The following ARID5B variants were observed in gnomAD, a reference collection of about 807,000 sequenced individuals.
ARID5B encodes AT-rich interaction domain 5B.
ARID5B carries 13 observed loss-of-function variants against 97.2 expected under a neutral mutation model. The ratio of observed to expected loss-of-function variants is 0.13; its 90% confidence interval spans 0.09 to 0.21. ARID5B has a LOEUF of 0.21. ARID5B is among the 10% of genes least tolerant of loss of function. The pLI, the probability that ARID5B is intolerant of heterozygous loss-of-function variation, is 1.00. For missense variants in ARID5B, 1,210 were observed against 1,465.3 expected, an observed-to-expected ratio of 0.83 and a Z score of 2.84; for synonymous variants, 556 against 570.3, an observed-to-expected ratio of 0.97 and a Z score of 0.36.
rs1403801881 is a variant in ARID5B at position 62,091,518 on chromosome 10, C to A, written c.2055C>A (p.Gly685=). The change falls in exon 10 of 10, where the codon GGC becomes GGA. Residue 685 remains glycine, a synonymous_variant. Coordinates refer to ENST00000279873, the MANE Select transcript of ARID5B (RefSeq NM_032199.3). The part of the protein sequence containing the change: ...TPLLYSRGNP[G]IMSPLAKKKL... Reference sequence around the variant, plus strand: ...TGCTCTACTCTAGGGGCAACCCAGGCATCATGTCCCCACTGGCCAAGAAAA... The same window carrying A: ...TGCTCTACTCTAGGGGCAACCCAGGAATCATGTCCCCACTGGCCAAGAAAA... The A allele has an allele frequency of 6.2e-7, 1 of 1,613,714 alleles. No homozygotes were observed. The highest frequency in any genetic ancestry group is 8.5e-7 in the Non-Finnish European group (1 of 1,179,870).
chr10:62,064,893 C>A (rs1839966382), intron 7 of ARID5B, among the ~76,000 whole-genome samples: 1 of 152,106 alleles, frequency 6.6e-6, no homozygotes, highest in South Asian at 2.1e-4. Flanking sequence ...TCTGCCTCAG[C>A]CTCCTGAGTA....
At chr10:62,017,933 T>C (rs527281288) in intron 4 of ARID5B, among the ~76,000 whole-genome samples, 105 of 152,326 alleles carry the variant, frequency 6.9e-4, no homozygotes, top group African/African-American at 2.5e-3. Flanking sequence ...GGAGATAAAA[T>C]ACATTTTTAT....
chr10:62,017,553 C>A (rs562320030), intron 4 of ARID5B, among the ~76,000 whole-genome samples: 1 of 151,498 alleles, frequency 6.6e-6, no homozygotes, highest in East Asian at 1.9e-4. Flanking sequence ...TATTATTTGG[C>A]TAATTCAGCT....
intron 3 of ARID5B, among the ~76,000 whole-genome samples, chr10:61,987,087 G>T (rs1838857297): frequency 1.3e-5 from 2 of 152,202 alleles, no homozygotes; most frequent in African/African-American, 4.8e-5. Context: ...GGCCAGAGCT[G>T]CCAGGCCAAA....
Position 62,051,227 on chromosome 10 carries a change from C to T in ARID5B, c.846+227C>T, listed in dbSNP as rs1839785395. 5 of 606,440 alleles carry T rather than the reference C, an allele frequency of 8.2e-6. No individual in the cohort carries two copies. The African/African-American group carries it at 9.2e-5, about 11-fold the overall frequency. 37.6% of individuals were successfully genotyped at this position (606,440 alleles called of 1,614,324 possible). A position where few individuals can be genotyped will look rare whatever the true frequency, so the allele number is the denominator to read the frequency against. ...TTTTGATTAGTCAACAGAAAGACTT[C>T]CTACCTCCCAGTTTGGCCTGTTATG... On this transcript the variant is annotated intron_variant, in intron 5 of 9. Coordinates refer to ENST00000279873, the MANE Select transcript of ARID5B (RefSeq NM_032199.3).
In ARID5B at chr10:61,968,455, C is replaced by T. The variant is rs1034086725; in HGVS notation, c.502+28047C>T. Reference sequence around the variant, plus strand: ...AACTAAGTGTTTATGGATCCAAATTCGGCTAATTGATACTTAGGTTCTTCC... The same window carrying T: ...AACTAAGTGTTTATGGATCCAAATTTGGCTAATTGATACTTAGGTTCTTCC... On this transcript the variant is annotated intron_variant, in intron 3 of 9. Coordinates refer to ENST00000279873, the MANE Select transcript of ARID5B (RefSeq NM_032199.3). Among the ~76,000 whole-genome samples, 34 of 144,130 alleles carry T rather than the reference C, an allele frequency of 2.4e-4. 1 individual carries two copies. Among genetic ancestry groups the T allele is most frequent in the Admixed American group, 2.0e-3 (30 of 14,910 alleles). The allele number at this position is 144,130 out of a possible 152,430, so 94.6% of individuals were successfully genotyped here.
chr10:62,014,974 A>G (rs530063719), intron 4 of ARID5B, among the ~76,000 whole-genome samples: 2 of 152,310 alleles, frequency 1.3e-5, no homozygotes, highest in African/African-American at 4.8e-5. Flanking sequence ...TCCATCAATG[A>G]AACAAAAAAG....
At chr10:62,031,792 T>C (rs1180120181) in intron 4 of ARID5B, among the ~76,000 whole-genome samples, 1 of 152,196 alleles carries the variant, frequency 6.6e-6, no homozygotes, top group Non-Finnish European at 1.5e-5. Context: ...TGTAGGAATA[T>C]GAGCCCAGAG....
intron 8 of ARID5B, among the ~76,000 whole-genome samples, chr10:62,074,264 ATTTG>A (rs1275038666): frequency 6.6e-6 from 1 of 152,172 alleles, no homozygotes; most frequent in African/African-American, 2.4e-5. Context: ...AAACAAATGT[ATTTG>A]TTTGTGAGGG....
chr10:62,073,190 G>A (rs918968812), intron 8 of ARID5B, among the ~76,000 whole-genome samples: 2 of 152,164 alleles, frequency 1.3e-5, no homozygotes, highest in East Asian at 1.9e-4. Context: ...TTTTCACTCC[G>A]ATAAAGAGAA....
At chr10:62,007,456 C>T (rs1261478516) in intron 4 of ARID5B, among the ~76,000 whole-genome samples, 3 of 152,136 alleles carry the variant, frequency 2.0e-5, no homozygotes, top group African/African-American at 7.2e-5. Flanking sequence ...GAAAATTTCC[C>T]ACTTTTATAG....
intron 3 of ARID5B, among the ~76,000 whole-genome samples, chr10:61,975,404 G>T (rs1029929888): frequency 1.3e-5 from 2 of 152,188 alleles, no homozygotes; most frequent in Non-Finnish European, 2.9e-5. Flanking sequence ...TAGAAAGTGG[G>T]AGTAGCTCAG....
At chr10:61,913,901 A>G (rs1179598613) in intron 2 of ARID5B, among the ~76,000 whole-genome samples, 1 of 152,104 alleles carries the variant, frequency 6.6e-6, no homozygotes, top group Non-Finnish European at 1.5e-5. Context: ...ACAGGCATGC[A>G]CCACCATGTC....
intron 3 of ARID5B, among the ~76,000 whole-genome samples, chr10:61,991,769 C>T (rs1838928726): frequency 6.6e-6 from 1 of 152,160 alleles, no homozygotes; most frequent in Admixed American, 6.5e-5. Flanking sequence ...GTGGCTCACG[C>T]CTGTAATCCC....
rs150066185 is a variant in ARID5B, at chr10:61,997,600, A to G, written c.503-2491A>G. On this transcript the variant is annotated intron_variant, in intron 3 of 9. Transcript: ENST00000279873. ...ATAGAAAGCTAATTGCACAACCAAG[A>G]TAGAATTTTAGAATCAACAGGTATT... Among the ~76,000 whole-genome samples the G allele has an allele frequency of 3.9e-5, 6 of 152,350 alleles. No individual in the cohort carries two copies. The East Asian group carries it at 9.6e-4, about 24-fold the overall frequency.
intron 3 of ARID5B, among the ~76,000 whole-genome samples, chr10:61,970,484 A>C (rs1162269236): frequency 1.3e-5 from 2 of 152,234 alleles, no homozygotes. Context: ...AAGATATAGA[A>C]GGATTATTGT....
At chr10:62,029,887 T>C (rs559215185) in intron 4 of ARID5B, among the ~76,000 whole-genome samples, 1 of 152,300 alleles carries the variant, frequency 6.6e-6, no homozygotes, top group Non-Finnish European at 1.5e-5. Context: ...TTTAACGATG[T>C]GGGGGTAAGA....
chr10:61,932,802 A>T (rs371420450), intron 2 of ARID5B, among the ~76,000 whole-genome samples: 1 of 152,176 alleles, frequency 6.6e-6, no homozygotes, highest in African/African-American at 2.4e-5. Flanking sequence ...TTGACGTAAT[A>T]TTCTGAACTT....
chr10:62,094,261 G>T lies in ARID5B; in HGVS notation c.*1231G>T. Reference sequence around the variant, plus strand: ...TTGGGAAGAGGATGGAGCTCAACTGGCCAGAAGAGGAGCAGCTGCAGTCCT... The same window carrying T: ...TTGGGAAGAGGATGGAGCTCAACTGTCCAGAAGAGGAGCAGCTGCAGTCCT... On this transcript the variant is annotated 3_prime_UTR_variant, in exon 10 of 10. Coordinates refer to ENST00000279873, the MANE Select transcript of ARID5B (RefSeq NM_032199.3). The T allele has an allele frequency of 4.3e-6, 1 of 231,728 alleles. No individual in the cohort carries two copies. Among genetic ancestry groups the T allele is most frequent in the Non-Finnish European group, 8.5e-6 (1 of 117,118 alleles). 14.4% of individuals were successfully genotyped at this position (231,728 alleles called of 1,614,324 possible).
Sources: allele counts gnomAD v4.1 joint callset (sites outside exome capture counted in the v4.1 genomes callset), GRCh38; gene constraint gnomAD v4.1.1; transcripts MANE v1.5; gene names NCBI Gene and HGNC (gene_info 2026-07-23, HGNC 2026-07-21).